Variants in SFMBT2 observed in about 807,000 individuals in gnomAD.
SFMBT2 encodes Scm like with four mbt domains 2, also known as scm-like with four MBT domains protein 2.
In SFMBT2, 38 loss-of-function variants were observed where a neutral mutation model predicts 110.1. The observed-to-expected ratio is 0.35, with a 90% CI of 0.27 to 0.45. The LOEUF is 0.45. SFMBT2 is among the 20% of genes least tolerant of loss of function. SFMBT2 has a pLI of 1.00. For synonymous variants in SFMBT2, 425 were observed against 425.4 expected, an observed-to-expected ratio of 1.00 and a Z score of 0.01; for missense variants, 1,011 against 1,094.9, an observed-to-expected ratio of 0.92 and a Z score of 1.08.
intron 8 of SFMBT2, chr10:7,246,287 A>G: frequency 2.2e-6 from 1 of 444,636 alleles, no homozygotes; most frequent in Non-Finnish European, 3.0e-6. Context: ...AAAATTATTT[A>G]CTGTGAAAAA....
At chr10:7,240,650 G>A (rs1564400718) in intron 9 of SFMBT2, among the ~76,000 whole-genome samples, 2 of 151,956 alleles carry the variant, frequency 1.3e-5, no homozygotes, top group African/African-American at 4.8e-5. Flanking sequence ...TTCCTCCACC[G>A]TCTCACCAAG....
intron 7 of SFMBT2, chr10:7,249,551 G>A: frequency 2.0e-6 from 2 of 985,326 alleles, no homozygotes; most frequent in Non-Finnish European, 2.4e-6. Flanking sequence ...TACATCAATT[G>A]GGTGTGAAGT....
intron 9 of SFMBT2, among the ~76,000 whole-genome samples, chr10:7,231,967 A>C (rs1206982553): frequency 6.6e-6 from 1 of 152,238 alleles, no homozygotes; most frequent in African/African-American, 2.4e-5. Context: ...AACAAGACGT[A>C]CTAAGGCTTA....
chr10:7,249,509 A>T lies in SFMBT2; in HGVS notation c.871-860T>A, dbSNP rs570816176. 35 of 985,132 alleles carry T rather than the reference A, an allele frequency of 3.6e-5. 1 individual carries two copies. The South Asian group carries it at 1.6e-3, about 46-fold the overall frequency. 61.0% of individuals were successfully genotyped at this position (985,132 alleles called of 1,614,324 possible). ...ATTTGCAGTCTGTCCCTGAGGAAAT[A>T]ATACCTGCAAATAAATCCTGCGATT... is the stretch of plus-strand genomic sequence containing the variant. On this transcript the variant is annotated intron_variant, in intron 7 of 20. Coordinates refer to ENST00000397167, the MANE Select transcript of SFMBT2 (RefSeq NM_001387889.1).
chr10:7,301,358 C>T lies in SFMBT2; in HGVS notation c.437-15404G>A, dbSNP rs114799067. 7.4e-3 allele frequency among the ~76,000 whole-genome samples: 1,126 copies of T among 152,316 alleles called. 11 individuals carry two copies. The highest frequency in any genetic ancestry group is 0.025 in the African/African-American group (1,055 of 41,566). ...TTTGAAAGGAGAGATGCCACAGAAA[C>T]GCTGATGGGTCAAGCAGCTCTTCCA... On this transcript the variant is annotated intron_variant, in intron 4 of 20. Transcript: ENST00000397167. This position sits in a 1 kb window ranked among gnomAD's most constrained non-coding sequence, Gnocchi z 4.2.
chr10:7,322,676 T>C (rs1001643970), intron 4 of SFMBT2, among the ~76,000 whole-genome samples: 11 of 151,832 alleles, frequency 7.2e-5, no homozygotes, highest in African/African-American at 2.4e-4. Flanking sequence ...CAGGGTATGT[T>C]GAAATGGAAG....
chr10:7,357,108 G>T (rs887960078), intron 4 of SFMBT2, among the ~76,000 whole-genome samples: 4 of 152,184 alleles, frequency 2.6e-5, no homozygotes, highest in Non-Finnish European at 5.9e-5. Context: ...TTAGGGCAAA[G>T]TAGCACAGTG....
intron 17 of SFMBT2, among the ~76,000 whole-genome samples, chr10:7,175,219 G>T (rs1478314432): frequency 1.3e-5 from 2 of 152,246 alleles, no homozygotes; most frequent in Admixed American, 6.5e-5. Context: ...AGGAAACTCA[G>T]AACTGTGGGT....
At chr10:7,334,155 C>T (rs1272981651) in intron 4 of SFMBT2, among the ~76,000 whole-genome samples, 1 of 152,156 alleles carries the variant, frequency 6.6e-6, no homozygotes, top group African/African-American at 2.4e-5. Context: ...GATGGTCTAT[C>T]AAGAGGAAAA....
intron 6 of SFMBT2, among the ~76,000 whole-genome samples, chr10:7,278,159 T>C (rs943223870): frequency 6.6e-6 from 1 of 152,234 alleles, no homozygotes; most frequent in Non-Finnish European, 1.5e-5. Flanking sequence ...TGAACTTTTT[T>C]CTTCTAGTTT....
intron 7 of SFMBT2, among the ~76,000 whole-genome samples, chr10:7,274,650 T>C (rs958311040): frequency 2.6e-5 from 4 of 152,182 alleles, no homozygotes; most frequent in African/African-American, 9.7e-5. Flanking sequence ...CTTTCCTTTA[T>C]AAATCACCCA....
intron 1 of SFMBT2, among the ~76,000 whole-genome samples, chr10:7,400,104 G>A (rs2132121828): frequency 6.6e-6 from 1 of 152,260 alleles, no homozygotes; most frequent in East Asian, 1.9e-4. Context: ...CCTGCACTGG[G>A]AAATGGGCAG....
At chr10:7,192,298 C>T (rs539892052) in intron 15 of SFMBT2, among the ~76,000 whole-genome samples, 2 of 152,316 alleles carry the variant, frequency 1.3e-5, no homozygotes, top group South Asian at 4.1e-4. Context: ...TCCCTCTGTC[C>T]AATATCACAT....
In SFMBT2 at chr10:7,195,751, C is replaced by T. The variant is rs937300167; in HGVS notation, c.1698+1797G>A. Among the ~76,000 whole-genome samples, 5 of 152,176 alleles carry T rather than the reference C, an allele frequency of 3.3e-5. No individual in the cohort carries two copies. The East Asian group carries it at 9.7e-4, about 29-fold the overall frequency. On this transcript the variant is annotated intron_variant, in intron 15 of 20. Transcript: ENST00000397167. ...CAGTCCCCACAGATTGCAGATGCCT[C>T]CGGTGTGATCTCACAGTGTGCATGC...
At chr10:7,224,554 A>C (rs1174262486) in intron 10 of SFMBT2, among the ~76,000 whole-genome samples, 2 of 152,016 alleles carry the variant, frequency 1.3e-5, no homozygotes, top group Non-Finnish European at 2.9e-5. Context: ...AAAATGGGAC[A>C]ATTCTCCCAT....
intron 4 of SFMBT2, among the ~76,000 whole-genome samples, chr10:7,305,137 T>C (rs1035719041): frequency 6.6e-6 from 1 of 152,328 alleles, no homozygotes; most frequent in East Asian, 1.9e-4. Context: ...ATTCTACCCA[T>C]GCTGCTTACT....
intron 7 of SFMBT2, among the ~76,000 whole-genome samples, chr10:7,250,226 C>T (rs1019860219): frequency 4.6e-5 from 7 of 152,244 alleles, no homozygotes; most frequent in Non-Finnish European, 8.8e-5. Flanking sequence ...AACTTTTCGA[C>T]CCATGACTCA....
intron 7 of SFMBT2, among the ~76,000 whole-genome samples, chr10:7,274,529 T>C (rs1410928641): frequency 6.6e-6 from 1 of 152,168 alleles, no homozygotes; most frequent in Non-Finnish European, 1.5e-5. Flanking sequence ...CCAGCTCTTA[T>C]TCTCCTTCCT....
intron 8 of SFMBT2, among the ~76,000 whole-genome samples, chr10:7,245,011 G>T (rs1457730076): frequency 6.6e-6 from 1 of 152,052 alleles, no homozygotes; most frequent in Non-Finnish European, 1.5e-5. Flanking sequence ...CTGGGCACCT[G>T]GACTCCACTG....
Sources: allele counts gnomAD v4.1 joint callset (sites outside exome capture counted in the v4.1 genomes callset), GRCh38; gene constraint gnomAD v4.1.1; non-coding constraint Gnocchi (gnomAD v3.1); transcripts MANE v1.5; gene names NCBI Gene and HGNC (gene_info 2026-07-23, HGNC 2026-07-21).